NAPEPLD: variants seen among roughly 807,000 people sequenced by gnomAD.
The protein encoded by NAPEPLD is N-acyl phosphatidylethanolamine phospholipase D.
NAPEPLD carries 23 observed loss-of-function variants against 38.1 expected under a neutral mutation model. The ratio of observed to expected loss-of-function variants is 0.60; its 90% CI spans 0.43 to 0.86. The LOEUF is 0.86. Among genes scored for constraint, NAPEPLD ranks in the 40% least tolerant of loss-of-function variants. The pLI is 0.00. For synonymous variants in NAPEPLD, 147 were observed against 162.0 expected, an observed-to-expected ratio of 0.91 and a Z score of 0.71; for missense variants, 411 against 476.8, an observed-to-expected ratio of 0.86 and a Z score of 1.28.
intron 4 of NAPEPLD, among the ~76,000 whole-genome samples, chr7:103,112,601 CAG>C (rs1373643493): frequency 1.3e-5 from 2 of 151,576 alleles, no homozygotes; most frequent in African/African-American, 4.9e-5. Context: ...TGGGGCCTGT[CAG>C]GGGGTGGGGG....
At chr7:103,140,595 A>G (rs776322718) in intron 1 of NAPEPLD, among the ~76,000 whole-genome samples, 12 of 151,758 alleles carry the variant, frequency 7.9e-5, no homozygotes, top group Non-Finnish European at 1.3e-4. Flanking sequence ...GGGTTTCACC[A>G]TGTTAGCCAG....
intron 1 of NAPEPLD, among the ~76,000 whole-genome samples, chr7:103,145,713 C>T (rs1025232807): frequency 2.0e-5 from 3 of 152,184 alleles, no homozygotes; most frequent in African/African-American, 7.2e-5. Context: ...AGTTACATGA[C>T]ATTCCAAGGA....
chr7:103,103,255 A>T lies in NAPEPLD; in HGVS notation c.*174T>A. 1 of 668,484 alleles carries T rather than the reference A, an allele frequency of 1.5e-6. No homozygotes were observed. The highest frequency in any genetic ancestry group is 2.4e-6 in the Non-Finnish European group (1 of 416,260). The allele number at this position is 668,484 out of a possible 1,614,324, so 41.4% of individuals were successfully genotyped here. ...CCACCCCTGAACCCTCTCATAGTGTACATGAGCTGATCATACTAGGAAGCA... is the reference window on the plus strand; with the variant it reads ...CCACCCCTGAACCCTCTCATAGTGTTCATGAGCTGATCATACTAGGAAGCA... On this transcript the variant is annotated 3_prime_UTR_variant, in exon 5 of 5. Transcript: ENST00000465647.
intron 4 of NAPEPLD, among the ~76,000 whole-genome samples, chr7:103,108,345 G>A (rs1187402860): frequency 1.3e-5 from 2 of 152,076 alleles, no homozygotes; most frequent in African/African-American, 4.8e-5. Flanking sequence ...GTTTCACCAT[G>A]TTGGTCAGGC....
intron 1 of NAPEPLD, among the ~76,000 whole-genome samples, 166 bp from the exon 2 acceptor site, chr7:103,128,958 T>C (rs1370804196): frequency 6.6e-6 from 1 of 152,220 alleles, no homozygotes; most frequent in East Asian, 1.9e-4. Flanking sequence ...GAATACAGTA[T>C]TACTTCTTGC....
rs531497902 is a variant in NAPEPLD at position 103,100,345 on chromosome 7, A to G, written c.*3084T>C. On this transcript the variant is annotated 3_prime_UTR_variant, in exon 5 of 5. Transcript: ENST00000465647. ...TTTTAATGTGCTTTAGCAGCAGTAG[A>G]TTCTAAAACTGTGTCTTCTTGTCCT... 1.3e-5 allele frequency: 2 copies of G among 152,238 alleles called. No homozygotes were observed. The highest frequency in any genetic ancestry group is 6.5e-5 in the Admixed American group (1 of 15,288). The allele number at this position is 152,238 out of a possible 1,614,324, so 9.4% of individuals were successfully genotyped here.
intron 4 of NAPEPLD, 74 bp from the exon 5 acceptor site, chr7:103,103,628 A>T: frequency 6.8e-7 from 1 of 1,467,596 alleles, no homozygotes; most frequent in South Asian, 1.4e-5. Flanking sequence ...TAACAGTTCA[A>T]ACTAAAATAA....
intron 4 of NAPEPLD, among the ~76,000 whole-genome samples, chr7:103,114,165 G>A (rs1805132408): frequency 6.6e-6 from 1 of 152,170 alleles, no homozygotes; most frequent in African/African-American, 2.4e-5. Flanking sequence ...CCAAAGTGCT[G>A]GGATTACAGG....
intron 4 of NAPEPLD, 81 bp from the exon 5 acceptor site, chr7:103,103,635 A>G (rs1802724697): frequency 7.0e-6 from 10 of 1,429,078 alleles, no homozygotes; most frequent in Non-Finnish European, 9.4e-6. Flanking sequence ...TCAAACTAAA[A>G]TAACCAACAG....
rs1436173311 is a variant in NAPEPLD, at chr7:103,100,207, A to G, written c.*3222T>C. The stretch of plus-strand genomic sequence containing the variant: ...GGGCTAGACATGAACAAAAGTATTC[A>G]TTCCCCAAAAGGCACATTTCTTTAT... On this transcript the variant is annotated 3_prime_UTR_variant, in exon 5 of 5. Transcript: ENST00000465647. 1 of 152,228 alleles carries G rather than the reference A, an allele frequency of 6.6e-6. No homozygotes were observed. Among genetic ancestry groups the G allele is most frequent in the Admixed American group, 6.5e-5 (1 of 15,274 alleles). The allele number at this position is 152,228 out of a possible 1,614,324, so 9.4% of individuals were successfully genotyped here.
At chr7:103,105,014 T>C (rs770940699) in intron 4 of NAPEPLD, among the ~76,000 whole-genome samples, 15 of 152,214 alleles carry the variant, frequency 9.9e-5, no homozygotes, top group African/African-American at 1.4e-4. Context: ...AATTCTGATA[T>C]GTTAGAGTTG....
At chr7:103,112,797 A>AT (rs1453957017) in intron 4 of NAPEPLD, among the ~76,000 whole-genome samples, 2 of 152,226 alleles carry the variant, frequency 1.3e-5, no homozygotes, top group African/African-American at 2.4e-5. Flanking sequence ...TCTGAAGATT[A>AT]TATCTGCTTT....
rs7789727 is a variant in NAPEPLD, at chr7:103,149,048, A to G, written c.-254T>C. On this transcript the variant is annotated 5_prime_UTR_variant, in exon 1 of 5. Coordinates refer to ENST00000465647, the MANE Select transcript of NAPEPLD (RefSeq NM_001122838.3). ...GCTCGGGGACGGGAAACCCACTCTC[A>G]GCCCGCTCCACTTCGCCGAAGAATT... is the stretch of plus-strand genomic sequence containing the variant. The G allele has an allele frequency of 0.94, 923,156 of 985,094 alleles. 438,132 individuals are homozygous for G. The highest frequency in any genetic ancestry group is 1 in the East Asian group (8,766 of 8,768). 61.0% of individuals were successfully genotyped at this position (985,094 alleles called of 1,614,324 possible).
intron 3 of NAPEPLD, among the ~76,000 whole-genome samples, chr7:103,119,275 A>C (rs777326348): frequency 6.6e-5 from 10 of 152,210 alleles, no homozygotes; most frequent in Non-Finnish European, 1.5e-4. Flanking sequence ...CAAAAACATA[A>C]GTATGTGAGA....
chr7:103,147,094 A>G (rs143331148), intron 1 of NAPEPLD, among the ~76,000 whole-genome samples: 5 of 152,364 alleles, frequency 3.3e-5, no homozygotes, highest in African/African-American at 1.2e-4. Flanking sequence ...GTCTGTTAGT[A>G]AAATACTTAA....
At chr7:103,144,787 A>C (rs1812200998) in intron 1 of NAPEPLD, among the ~76,000 whole-genome samples, 1 of 151,966 alleles carries the variant, frequency 6.6e-6, no homozygotes, top group Non-Finnish European at 1.5e-5. Flanking sequence ...TGAAGCAAGC[A>C]GATCATTTGA....
chr7:103,129,855 A>G (rs1253905278), intron 1 of NAPEPLD, among the ~76,000 whole-genome samples: 2 of 152,190 alleles, frequency 1.3e-5, no homozygotes, highest in African/African-American at 4.8e-5. Context: ...GCACTTGGAA[A>G]CATAGTAACA....
chr7:103,146,667 C>T (rs191073285), intron 1 of NAPEPLD, among the ~76,000 whole-genome samples: 256 of 152,310 alleles, frequency 1.7e-3, no homozygotes, highest in African/African-American at 5.9e-3. Context: ...ACAGCACTGG[C>T]CATTCACAAC....
intron 1 of NAPEPLD, among the ~76,000 whole-genome samples, chr7:103,130,516 G>T (rs992144996): frequency 1.3e-5 from 2 of 152,130 alleles, no homozygotes; most frequent in Admixed American, 1.3e-4. Flanking sequence ...AATGGCACAG[G>T]TACATAATGT....
Sources: allele counts gnomAD v4.1 joint callset (sites outside exome capture counted in the v4.1 genomes callset), GRCh38; gene constraint gnomAD v4.1.1; transcripts MANE v1.5; gene names NCBI Gene and HGNC (gene_info 2026-07-23, HGNC 2026-07-21).